PEAK1: variants seen among roughly 807,000 people sequenced by gnomAD.
PEAK1 encodes the protein pseudopodium enriched atypical kinase 1, also known as inactive tyrosine-protein kinase PEAK1.
A neutral mutation model predicts 124.7 loss-of-function variants in PEAK1; 54 were observed. The ratio of observed to expected loss-of-function variants is 0.43; its 90% CI spans 0.35 to 0.54. The LOEUF is 0.54. Ranked by LOEUF, PEAK1 falls within the 20% of genes least tolerant of loss-of-function variation. The pLI is 0.01. For synonymous variants in PEAK1, 719 were observed against 760.0 expected, an observed-to-expected ratio of 0.95 and a Z score of 0.89; for missense variants, 2,046 against 2,134.5, an observed-to-expected ratio of 0.96 and a Z score of 0.82.
At chr15:77,226,044 G>GATATAT (rs1157824212) in intron 6 of PEAK1, among the ~76,000 whole-genome samples, 1,243 of 44,478 alleles carry the variant, frequency 0.028, 19 homozygotes, top group Admixed American at 0.052. Context: ...AAAATAAAGG[G>GATATAT]ATATATATAT....
chr15:77,139,388 A>T (rs1036304067), intron 8 of PEAK1, among the ~76,000 whole-genome samples: 16 of 152,238 alleles, frequency 1.1e-4, no homozygotes, highest in African/African-American at 3.9e-4. Context: ...CCAGTAACTC[A>T]GTAGTTTATC....
chr15:77,200,836 C>T (rs1483367746), intron 6 of PEAK1, among the ~76,000 whole-genome samples: 1 of 151,952 alleles, frequency 6.6e-6, no homozygotes, highest in Non-Finnish European at 1.5e-5. Context: ...GTCAAACGTG[C>T]TTCATGTCAT....
At chr15:77,327,458 A>G (rs2065645281) in intron 2 of PEAK1, among the ~76,000 whole-genome samples, 1 of 152,114 alleles carries the variant, frequency 6.6e-6, no homozygotes, top group Non-Finnish European at 1.5e-5. Context: ...ATCTGTCTGT[A>G]TTTCTTTAAC....
intron 1 of PEAK1, among the ~76,000 whole-genome samples, chr15:77,376,361 T>C (rs1315612052): frequency 2.6e-5 from 4 of 152,066 alleles, no homozygotes; most frequent in African/African-American, 9.7e-5. Context: ...TACTACCTGC[T>C]CTATATTTCC....
At chr15:77,290,454 T>C (rs1180502370) in intron 2 of PEAK1, among the ~76,000 whole-genome samples, 1 of 152,152 alleles carries the variant, frequency 6.6e-6, no homozygotes, top group Non-Finnish European at 1.5e-5. Context: ...GGTTTCACCA[T>C]GTTGGCCAGG....
rs559114080 is a variant in PEAK1, at chr15:77,320,546, C to T, written c.-602-34042G>A. On this transcript the variant is annotated intron_variant, in intron 2 of 9. Coordinates refer to ENST00000682557, the MANE Select transcript of PEAK1 (RefSeq NM_001385026.1). ...TCCACACCAACAATTTATGCCTTGC[C>T]TTGGTAGTTCATTGTTTTTCGTATC... Among the ~76,000 whole-genome samples, 11 of 152,228 alleles carry T rather than the reference C, an allele frequency of 7.2e-5. No individual in the cohort carries two copies. The East Asian group carries it at 2.1e-3, about 29-fold the overall frequency.
At chr15:77,116,923 G>A (rs942278322) in intron 9 of PEAK1, among the ~76,000 whole-genome samples, 5 of 152,016 alleles carry the variant, frequency 3.3e-5, no homozygotes, top group Admixed American at 6.5e-5. Context: ...GAAAGCTCTC[G>A]AAGTCTTAGT....
intron 1 of PEAK1, among the ~76,000 whole-genome samples, chr15:77,408,340 T>C (rs1249202500): frequency 7.1e-6 from 1 of 140,230 alleles, no homozygotes; most frequent in Non-Finnish European, 1.5e-5. Flanking sequence ...AGCTAAGCTA[T>C]GAGGATGCAT....
chr15:77,408,621 TCTA>T (rs1158357855), intron 1 of PEAK1, among the ~76,000 whole-genome samples: 1 of 152,138 alleles, frequency 6.6e-6, no homozygotes, highest in Non-Finnish European at 1.5e-5. Context: ...GAAGATATTT[TCTA>T]CTGTTTCTCC....
intron 5 of PEAK1, among the ~76,000 whole-genome samples, chr15:77,265,700 A>G (rs2061687128): frequency 6.6e-6 from 1 of 152,078 alleles, no homozygotes; most frequent in South Asian, 2.1e-4. Flanking sequence ...CAGTGTGGCG[A>G]TTCCTCAGGG....
chr15:77,344,659 A>C (rs1175880767), intron 2 of PEAK1, among the ~76,000 whole-genome samples: 1 of 152,212 alleles, frequency 6.6e-6, no homozygotes, highest in African/African-American at 2.4e-5. Flanking sequence ...GGTAGTACTG[A>C]CATCTTAACA....
chr15:77,298,343 C>T lies in PEAK1; in HGVS notation c.-602-11839G>A, dbSNP rs529000811. ...ATGCCATTCTCCTGCCTCAGCCTCC[C>T]GAGTAGCTGGGACTACAGGCGCCCG... is the stretch of plus-strand genomic sequence containing the variant. On this transcript the variant is annotated intron_variant, in intron 2 of 9. Coordinates refer to ENST00000682557, the MANE Select transcript of PEAK1 (RefSeq NM_001385026.1). 4.5e-4 allele frequency among the ~76,000 whole-genome samples: 67 copies of T among 149,368 alleles called. 1 individual carries two copies. In the East Asian group the frequency reaches 0.013, roughly 28 times the overall value.
At chr15:77,396,932 A>T (rs1260811022) in intron 1 of PEAK1, among the ~76,000 whole-genome samples, 4 of 152,190 alleles carry the variant, frequency 2.6e-5, no homozygotes, top group Non-Finnish European at 5.9e-5. Context: ...AGAAACATCA[A>T]ACTTAATCTC....
intron 1 of PEAK1, 35 bp from the exon 2 acceptor site, chr15:77,365,260 T>C: frequency 1.1e-6 from 1 of 889,090 alleles, no homozygotes; most frequent in Non-Finnish European, 1.3e-6. Context: ...AAAGACATGG[T>C]CAATATGGTT....
At chr15:77,155,207 C>G (rs950959867) in intron 8 of PEAK1, 6 of 152,164 alleles carry the variant, frequency 3.9e-5, no homozygotes, top group African/African-American at 1.2e-4. Context: ...TTTCTCTAAA[C>G]TTCCCTTCTC....
Position 77,220,520 on chromosome 15 carries a change from CAA to C in PEAK1, c.-115+31845_-115+31846del, listed in dbSNP as rs34013493. ...ACTACAATTCATACAAGCTAAAATT[CAA>C]AAAAAAAAAAAAAAACGGTGAGGAA... On this transcript the variant is annotated intron_variant, in intron 6 of 9. Coordinates refer to ENST00000682557, the MANE Select transcript of PEAK1 (RefSeq NM_001385026.1). 1.4e-3 allele frequency among the ~76,000 whole-genome samples: 108 copies of C among 76,810 alleles called. 1 individual carries two copies. Among genetic ancestry groups the C allele is most frequent in the African/African-American group, 4.0e-3 (100 of 25,088 alleles). The allele number at this position is 76,810 out of a possible 152,430, so 50.4% of individuals were successfully genotyped here. A position where few individuals can be genotyped will look rare whatever the true frequency, so the allele number is the denominator to read the frequency against.
chr15:77,273,369 A>G (rs2062138376), intron 5 of PEAK1, among the ~76,000 whole-genome samples: 1 of 152,162 alleles, frequency 6.6e-6, no homozygotes, highest in African/African-American at 2.4e-5. Context: ...AGAAAACCCT[A>G]AAGACTCATC....
chr15:77,325,491 G>A (rs1002165035), intron 2 of PEAK1, among the ~76,000 whole-genome samples: 12 of 151,826 alleles, frequency 7.9e-5, no homozygotes, highest in Non-Finnish European at 2.9e-5. Flanking sequence ...TGTGACCATG[G>A]CAAATAGGTG....
At chr15:77,255,246 T>C in intron 5 of PEAK1, 1 of 557,616 alleles carries the variant, frequency 1.8e-6, no homozygotes, top group Non-Finnish European at 2.3e-6. Flanking sequence ...ATTTTAAACC[T>C]ATTAATTATT....
Sources: allele counts gnomAD v4.1 joint callset (sites outside exome capture counted in the v4.1 genomes callset), GRCh38; gene constraint gnomAD v4.1.1; transcripts MANE v1.5; gene names NCBI Gene and HGNC (gene_info 2026-07-23, HGNC 2026-07-21).